SAP130: variants seen among roughly 807,000 people sequenced by gnomAD.
SAP130 encodes the protein histone deacetylase complex subunit SAP130.
A neutral mutation model predicts 103.2 loss-of-function variants in SAP130; 16 were observed. That is an observed-to-expected ratio of 0.16 (90% CI 0.10 to 0.24). The LOEUF is 0.24. Ranked by LOEUF, SAP130 falls within the 10% of genes least tolerant of loss-of-function variation. The pLI is 1.00. For missense variants in SAP130, 990 were observed against 1,359.7 expected, an observed-to-expected ratio of 0.73 and a Z score of 4.28; for synonymous variants, 477 against 497.0, an observed-to-expected ratio of 0.96 and a Z score of 0.53.
Position 127,986,612 on chromosome 2 carries a change from C to T in SAP130, c.1958+173G>A, listed in dbSNP as rs1356667076. ...ATTTGTTAAGATCTTACAGTCTCAGCTGGGTAAGGCTCTACTGAATAATCC... is the reference window on the plus strand; with the variant it reads ...ATTTGTTAAGATCTTACAGTCTCAGTTGGGTAAGGCTCTACTGAATAATCC... On this transcript the variant is annotated intron_variant, in intron 14 of 20. Coordinates refer to ENST00000643581, the MANE Select transcript of SAP130 (RefSeq NM_001330301.2). This position sits in a 1 kb window ranked among gnomAD's most constrained non-coding sequence, Gnocchi z 4.7. 2.6e-5 allele frequency among the ~76,000 whole-genome samples: 4 copies of T among 152,200 alleles called. No homozygotes were observed. Among genetic ancestry groups the T allele is most frequent in the Admixed American group, 2.0e-4 (3 of 15,290 alleles).
chr2:128,022,966 A>G (rs1023691847), intron 2 of SAP130, among the ~76,000 whole-genome samples: 4 of 151,754 alleles, frequency 2.6e-5, no homozygotes, highest in Middle Eastern at 3.2e-3. Flanking sequence ...AGTAGCTGGG[A>G]CTATAGGCAT....
chr2:128,011,786 T>C (rs1284437336), intron 6 of SAP130, among the ~76,000 whole-genome samples: 2 of 152,210 alleles, frequency 1.3e-5, no homozygotes, highest in Admixed American at 6.5e-5. Flanking sequence ...ACAGACCTCC[T>C]GTATGTGATT....
chr2:128,004,465 C>T (rs369275488), intron 7 of SAP130, among the ~76,000 whole-genome samples: 8 of 150,434 alleles, frequency 5.3e-5, no homozygotes, highest in African/African-American at 2.0e-4. Context: ...GCCTCAGCCT[C>T]CCAAAGTGTA....
intron 14 of SAP130, among the ~76,000 whole-genome samples, chr2:127,979,880 CTT>C (rs754881410): frequency 2.3e-4 from 32 of 139,116 alleles, no homozygotes; most frequent in Admixed American, 2.2e-4. Context: ...AAATTTTTTT[CTT>C]TTTTTTTTTT....
chr2:128,009,576 T>C lies in SAP130; in HGVS notation c.869+693A>G, dbSNP rs117308629. The stretch of plus-strand genomic sequence containing the variant: ...CCTTCTACCCAACTCTGCTTCTAAC[T>C]TGGCCTCTCCAGAGCCTATTCTATC... On this transcript the variant is annotated intron_variant, in intron 7 of 20. Transcript: ENST00000643581. Among the ~76,000 whole-genome samples, 27 of 152,332 alleles carry C rather than the reference T, an allele frequency of 1.8e-4. No homozygotes were observed. In the East Asian group the frequency reaches 5.2e-3, roughly 29 times the overall value.
chr2:127,991,695 A>G (rs1289092922), intron 12 of SAP130, among the ~76,000 whole-genome samples: 2 of 152,202 alleles, frequency 1.3e-5, no homozygotes, highest in African/African-American at 4.8e-5. Flanking sequence ...AATCTAGGGT[A>G]TATTTTACTC....
At chr2:127,963,677 G>A (rs1283983173) in intron 15 of SAP130, among the ~76,000 whole-genome samples, 1 of 152,200 alleles carries the variant, frequency 6.6e-6, no homozygotes, top group East Asian at 1.9e-4. Context: ...TGTGGGAGAT[G>A]ACTGAATCAC....
chr2:128,026,588 T>C (rs940940581), intron 1 of SAP130, among the ~76,000 whole-genome samples: 3 of 152,214 alleles, frequency 2.0e-5, no homozygotes, highest in South Asian at 4.1e-4. Flanking sequence ...AAGAGTCACA[T>C]GACAGGTATT....
chr2:127,973,263 G>A (rs1681216150), intron 15 of SAP130, among the ~76,000 whole-genome samples: 1 of 152,072 alleles, frequency 6.6e-6, no homozygotes, highest in South Asian at 2.1e-4. Context: ...ATGAACTTTC[G>A]CTCTTGTTGC....
At chr2:128,027,129 A>C (rs1399538246) in intron 1 of SAP130, 3 of 1,395,728 alleles carry the variant, frequency 2.1e-6, no homozygotes, top group African/African-American at 3.0e-5. Context: ...GCCCGCTTCT[A>C]TCTCGCCGGC....
chr2:127,943,985 C>T (rs1036619365), intron 19 of SAP130, among the ~76,000 whole-genome samples: 2 of 152,072 alleles, frequency 1.3e-5, no homozygotes, highest in African/African-American at 2.4e-5. Flanking sequence ...TACTGTTGGG[C>T]GGTTACAAAA....
At chr2:127,945,582 T>G in intron 18 of SAP130, 23 bp from the exon 19 acceptor site, 4 of 1,363,234 alleles carry the variant, frequency 2.9e-6, no homozygotes, top group Non-Finnish European at 4.2e-6. Context: ...AAAATAAAAA[T>G]ACATGTATTT....
At chr2:127,988,349 A>C (rs1384844853) in intron 13 of SAP130, among the ~76,000 whole-genome samples, 1 of 151,588 alleles carries the variant, frequency 6.6e-6, no homozygotes, top group Non-Finnish European at 1.5e-5. Context: ...GCTTGAGCCC[A>C]GAAGGTCAAG....
In SAP130 at chr2:128,010,303, T is replaced by C. The variant is rs1684297177; in HGVS notation, c.835A>G (p.Thr279Ala). 1 of 1,613,940 alleles carries C rather than the reference T, an allele frequency of 6.2e-7. No individual in the cohort carries two copies. The highest frequency in any genetic ancestry group is 8.5e-7 in the Non-Finnish European group (1 of 1,179,962). ...GAATCAGTAGCATGCGCCGCTGTCG[T>C]AGTGATGACTGGAGACTGAGCTCTG... Reference protein sequence around the residue: ...ATRAQSPVITTTAAHATDSAL... With the variant: ...ATRAQSPVITATAAHATDSAL... Residue 279 changes from threonine to alanine, a missense_variant, in exon 7 of 21, where the codon ACG becomes GCG. Physicochemically the swap from Thr to Ala is moderately conservative, Grantham distance 58 (BLOSUM62 0). This residue lies in a region of SAP130 where 336 missense variants were observed against 520.1 expected (regional missense o/e 0.65). Coordinates refer to ENST00000643581, the MANE Select transcript of SAP130 (RefSeq NM_001330301.2).
intron 1 of SAP130, among the ~76,000 whole-genome samples, chr2:128,026,535 T>C (rs1685509450): frequency 6.6e-6 from 1 of 152,220 alleles, no homozygotes; most frequent in African/African-American, 2.4e-5. Context: ...CCATAAATAC[T>C]TGTGGATTGC....
At chr2:127,967,290 CA>C (rs1382357074) in intron 15 of SAP130, among the ~76,000 whole-genome samples, 1 of 152,200 alleles carries the variant, frequency 6.6e-6, no homozygotes, top group Admixed American at 6.5e-5. Context: ...GAAAAAGAAA[CA>C]GCAATTATAA....
intron 14 of SAP130, among the ~76,000 whole-genome samples, chr2:127,984,701 G>GAA (rs1459052495): frequency 6.6e-6 from 1 of 152,166 alleles, no homozygotes; most frequent in Non-Finnish European, 1.5e-5. Flanking sequence ...AGTGGACTGG[G>GAA]AAGTGTTCAG....
chr2:127,989,338 C>T lies in SAP130; in HGVS notation c.1780+226G>A, dbSNP rs1280568749. Among the ~76,000 whole-genome samples the T allele has an allele frequency of 6.6e-6, 1 of 151,960 alleles. No homozygotes were observed. The highest frequency in any genetic ancestry group is 2.4e-5 in the African/African-American group (1 of 41,368). On this transcript the variant is annotated intron_variant, in intron 13 of 20. Coordinates refer to ENST00000643581, the MANE Select transcript of SAP130 (RefSeq NM_001330301.2). The surrounding 1 kb of genome is among the most constrained non-coding windows in gnomAD (Gnocchi z 4.6). ...AGTCTTGATCTCCTGACCTCGTGAT[C>T]CACCCGCCTCAGCCTCCCAAAGTGC...
chr2:128,017,954 C>G, intron 2 of SAP130, 39 bp from the exon 3 acceptor site: 1 of 1,533,212 alleles, frequency 6.5e-7, no homozygotes, highest in East Asian at 2.3e-5. Context: ...ATGTCACAGT[C>G]TCCCAGTGTA....
Sources: allele counts gnomAD v4.1 joint callset (sites outside exome capture counted in the v4.1 genomes callset), GRCh38; gene constraint gnomAD v4.1.1; regional missense constraint gnomAD v4.1.1; non-coding constraint Gnocchi (gnomAD v3.1); transcripts MANE v1.5; gene names NCBI Gene and HGNC (gene_info 2026-07-23, HGNC 2026-07-21).